The following CDH13 variants were observed in gnomAD, a reference collection of about 807,000 sequenced individuals.
CDH13 encodes the protein cadherin 13, also known as cadherin-13.
Under a neutral mutation model 63.8 loss-of-function variants are expected in CDH13, and 24 were observed. The ratio of observed to expected loss-of-function variants is 0.38; its 90% CI spans 0.27 to 0.53. CDH13 has a LOEUF of 0.53. Ranked by LOEUF, CDH13 falls within the 20% of genes least tolerant of loss-of-function variation. CDH13 has a pLI of 0.85. For synonymous variants in CDH13, 503 were observed against 355.3 expected (o/e 1.42, Z -4.67); for missense variants, 1,049 against 903.1 (o/e 1.16, Z -2.07).
chr16:83,331,862 T>C (rs1416676094), intron 5 of CDH13, among the ~76,000 whole-genome samples: 3 of 152,184 alleles, frequency 2.0e-5, no homozygotes, highest in Non-Finnish European at 4.4e-5. Context: ...TTTTATAACA[T>C]TGTGTTGATT....
chr16:82,657,560 CTG>C (rs1424635350), intron 1 of CDH13, among the ~76,000 whole-genome samples: 1 of 152,170 alleles, frequency 6.6e-6, no homozygotes, highest in African/African-American at 2.4e-5. Flanking sequence ...TATTTTCAGA[CTG>C]TGATTGACCA....
At chr16:82,703,255 A>G (rs1408047466) in intron 1 of CDH13, among the ~76,000 whole-genome samples, 3 of 152,040 alleles carry the variant, frequency 2.0e-5, no homozygotes, top group African/African-American at 4.8e-5. Flanking sequence ...TATGTAACAC[A>G]CTCAGGGCTG....
chr16:82,671,632 C>T (rs1382424231), intron 1 of CDH13, among the ~76,000 whole-genome samples: 1 of 152,152 alleles, frequency 6.6e-6, no homozygotes, highest in East Asian at 1.9e-4. Context: ...GCATAGGCCA[C>T]CCCAGTCTTT....
At chr16:83,372,243 G>A (rs2091380804) in intron 6 of CDH13, among the ~76,000 whole-genome samples, 1 of 152,150 alleles carries the variant, frequency 6.6e-6, no homozygotes, top group African/African-American at 2.4e-5. Context: ...TTTTACACAA[G>A]ATTGCTCAAC....
At chr16:83,366,493 C>G (rs1367192180) in intron 6 of CDH13, among the ~76,000 whole-genome samples, 1 of 152,124 alleles carries the variant, frequency 6.6e-6, no homozygotes, top group Non-Finnish European at 1.5e-5. Context: ...CCTCGCTTTC[C>G]CAGAGTAGAC....
At chr16:82,939,277 G>T (rs1480769298) in intron 2 of CDH13, among the ~76,000 whole-genome samples, 1 of 152,108 alleles carries the variant, frequency 6.6e-6, no homozygotes, top group African/African-American at 2.4e-5. Flanking sequence ...ACAAAAATTA[G>T]CCAGGTGTGC....
intron 3 of CDH13, among the ~76,000 whole-genome samples, chr16:83,102,907 C>CTTTCTTTTTTTTTTTTTCTT (rs2034553828): frequency 3.7e-5 from 3 of 80,658 alleles, no homozygotes; most frequent in African/African-American, 1.5e-4. Context: ...GCTAATTAAA[C>CTTTCTTTTTTTTTTTTTCTT]TTTCTTTTTT....
At chr16:83,388,819 GCTT>G (rs1431951287) in intron 6 of CDH13, among the ~76,000 whole-genome samples, 8 of 152,174 alleles carry the variant, frequency 5.3e-5, no homozygotes, top group Admixed American at 3.3e-4. Context: ...TCACCTGGGT[GCTT>G]CTTAGAAATT....
At position 83,713,609 on chromosome 16, in the gene CDH13, C is replaced by T. The variant is rs556495422; in HGVS notation, c.1539-34499C>T. Among the ~76,000 whole-genome samples, 4 of 152,128 alleles carry T rather than the reference C, an allele frequency of 2.6e-5. No individual in the cohort carries two copies. The East Asian group carries it at 7.7e-4, about 29-fold the overall frequency. On this transcript the variant is annotated intron_variant, in intron 10 of 13. Coordinates refer to ENST00000567109, the MANE Select transcript of CDH13 (RefSeq NM_001257.5). ...GTATGTTCATCTATCGGCTGGGACTCTTTTAGTTAAAAAGGAAACCTAACT... is the reference window on the plus strand; with the variant it reads ...GTATGTTCATCTATCGGCTGGGACTTTTTTAGTTAAAAAGGAAACCTAACT...
intron 2 of CDH13, among the ~76,000 whole-genome samples, chr16:82,974,147 C>T (rs562724852): frequency 4.0e-4 from 61 of 152,276 alleles, no homozygotes; most frequent in African/African-American, 1.3e-3. Context: ...GCACGTTGGC[C>T]AGGCTGATTT....
chr16:83,016,024 C>G (rs1023899156), intron 2 of CDH13, among the ~76,000 whole-genome samples: 1 of 151,932 alleles, frequency 6.6e-6, no homozygotes, highest in African/African-American at 2.4e-5. Context: ...GGAGAAATCA[C>G]AGAAAAATGA....
chr16:83,592,125 T>C (rs756320678), intron 7 of CDH13, among the ~76,000 whole-genome samples: 1 of 152,206 alleles, frequency 6.6e-6, no homozygotes, highest in Non-Finnish European at 1.5e-5. Flanking sequence ...CATCAGGGTG[T>C]TGGTCTCTCC....
chr16:82,984,426 A>G (rs1195711284), intron 2 of CDH13, among the ~76,000 whole-genome samples: 4 of 152,224 alleles, frequency 2.6e-5, no homozygotes, highest in Non-Finnish European at 5.9e-5. Context: ...GCTACTTATC[A>G]TCTGAGTGAT....
intron 1 of CDH13, among the ~76,000 whole-genome samples, chr16:82,751,478 ACCT>A (rs1374983987): frequency 6.6e-6 from 1 of 151,824 alleles, no homozygotes; most frequent in Non-Finnish European, 1.5e-5. Context: ...GCACACACTG[ACCT>A]CCTACTACAG....
At chr16:83,217,287 A>G in intron 4 of CDH13, 58 bp from the exon 5 acceptor site, 2 of 1,574,078 alleles carry the variant, frequency 1.3e-6, no homozygotes, top group Admixed American at 1.7e-5. Context: ...TATGTTTGCA[A>G]TGTGCTTTCT....
chr16:83,293,842 A>G (rs1045834746), intron 5 of CDH13, among the ~76,000 whole-genome samples: 10 of 152,218 alleles, frequency 6.6e-5, no homozygotes, highest in Non-Finnish European at 1.2e-4. Flanking sequence ...TAACAATAGG[A>G]ATAACAATCA....
intron 2 of CDH13, among the ~76,000 whole-genome samples, chr16:82,906,889 G>A (rs2041664847): frequency 6.6e-6 from 1 of 152,120 alleles, no homozygotes; most frequent in Non-Finnish European, 1.5e-5. Context: ...GTCCTCATGT[G>A]TTTTTGTAAG....
intron 6 of CDH13, among the ~76,000 whole-genome samples, chr16:83,476,197 A>G (rs1176932631): frequency 1.3e-5 from 2 of 152,228 alleles, no homozygotes; most frequent in Non-Finnish European, 1.5e-5. Flanking sequence ...GAACATTTTC[A>G]TATTTGTCAG....
intron 8 of CDH13, among the ~76,000 whole-genome samples, chr16:83,621,407 G>GT (rs778623036): frequency 3.8e-4 from 53 of 139,558 alleles, no homozygotes; most frequent in Non-Finnish European, 7.0e-4. Context: ...TATTACCACC[G>GT]TTTTCCACTC....
Sources: allele counts gnomAD v4.1 joint callset (sites outside exome capture counted in the v4.1 genomes callset), GRCh38; gene constraint gnomAD v4.1.1; transcripts MANE v1.5; gene names NCBI Gene and HGNC (gene_info 2026-07-23, HGNC 2026-07-21).